Variants in TMEM132D observed in about 807,000 individuals in gnomAD.
TMEM132D encodes the protein mature OL transmembrane protein.
Under a neutral mutation model 62.3 loss-of-function variants are expected in TMEM132D, and 21 were observed. The ratio of observed to expected loss-of-function variants is 0.34; its 90% CI spans 0.24 to 0.49. TMEM132D has a LOEUF of 0.49. Among genes scored for constraint, TMEM132D ranks in the 20% least tolerant of loss-of-function variants. TMEM132D has a pLI of 0.99. For synonymous variants in TMEM132D, 621 were observed against 575.6 expected (o/e 1.08, Z -1.13); for missense variants, 1,346 against 1,402.8 (o/e 0.96, Z 0.65).
intron 5 of TMEM132D, among the ~76,000 whole-genome samples, chr12:129,087,218 T>C (rs1174999441): frequency 6.6e-6 from 1 of 152,196 alleles, no homozygotes; most frequent in Non-Finnish European, 1.5e-5. Flanking sequence ...AGCAACGTCA[T>C]GTAGGATCTG....
chr12:129,081,987 G>T lies in TMEM132D; in HGVS notation c.1695C>A (p.Gly565=), dbSNP rs1465969977. ...GCTGGTACTGCAGGGTGCAGCCGCG[G>T]CCCCTCCGCTCATCATCCTCCTCCT... The part of the protein sequence containing the change: ...SEEEEDDERR[G]RGCTLQYQHA... Residue 565 remains glycine, a synonymous_variant, in exon 7 of 9, where the codon GGC becomes GGA. Transcript: ENST00000422113. 8.1e-6 allele frequency: 13 copies of T among 1,612,856 alleles called. No homozygotes were observed. Among genetic ancestry groups the T allele is most frequent in the Non-Finnish European group, 1.1e-5 (13 of 1,179,284 alleles).
At chr12:129,209,194 G>A (rs921394868) in intron 5 of TMEM132D, among the ~76,000 whole-genome samples, 7 of 152,132 alleles carry the variant, frequency 4.6e-5, no homozygotes, top group Admixed American at 1.3e-4. Flanking sequence ...TCCCCTGCCT[G>A]GGGTGGGTGG....
chr12:129,244,252 G>A (rs1277443625), intron 4 of TMEM132D, among the ~76,000 whole-genome samples: 4 of 151,836 alleles, frequency 2.6e-5, no homozygotes, highest in African/African-American at 7.3e-5. Flanking sequence ...CGGGTGTGGT[G>A]GCGGGCGCCT....
At chr12:129,159,373 A>T (rs1449832832) in intron 5 of TMEM132D, among the ~76,000 whole-genome samples, 1 of 152,140 alleles carries the variant, frequency 6.6e-6, no homozygotes, top group Non-Finnish European at 1.5e-5. Flanking sequence ...AAGTCAATTC[A>T]TTTTTTCCTT....
intron 4 of TMEM132D, among the ~76,000 whole-genome samples, chr12:129,330,907 C>T (rs1409549826): frequency 6.6e-6 from 1 of 152,190 alleles, no homozygotes; most frequent in African/African-American, 2.4e-5. Context: ...GAGCCTATGT[C>T]CTCCCAAGCT....
chr12:129,526,421 A>G (rs1876040738), intron 3 of TMEM132D, among the ~76,000 whole-genome samples: 1 of 152,004 alleles, frequency 6.6e-6, no homozygotes, highest in Non-Finnish European at 1.5e-5. Flanking sequence ...AGTAGCTGGG[A>G]TTACAGGCAT....
intron 3 of TMEM132D, among the ~76,000 whole-genome samples, chr12:129,352,180 T>C (rs1052212459): frequency 1.3e-5 from 2 of 152,172 alleles, no homozygotes; most frequent in Non-Finnish European, 2.9e-5. Context: ...TAATAATGTG[T>C]ACTAAACAGA....
chr12:129,667,487 G>T (rs1453146339), intron 2 of TMEM132D, among the ~76,000 whole-genome samples: 1 of 152,004 alleles, frequency 6.6e-6, no homozygotes, highest in Admixed American at 6.6e-5. Flanking sequence ...TCAAAGTAAA[G>T]GTTTTTCTTT....
chr12:129,824,771 C>T (rs75199779), intron 1 of TMEM132D, among the ~76,000 whole-genome samples: 1,684 of 152,252 alleles, frequency 0.011, 18 homozygotes, highest in Non-Finnish European at 0.016. Context: ...GGCACCTGTT[C>T]CACCATCTGA....
intron 3 of TMEM132D, among the ~76,000 whole-genome samples, chr12:129,509,212 C>G (rs1025337581): frequency 6.6e-6 from 1 of 152,112 alleles, no homozygotes; most frequent in African/African-American, 2.4e-5. Context: ...AAGTGCCATT[C>G]TGAAGTCTCA....
intron 2 of TMEM132D, among the ~76,000 whole-genome samples, chr12:129,674,773 T>C (rs1187700362): frequency 2.0e-5 from 3 of 152,124 alleles, no homozygotes. Flanking sequence ...ACTCCTGACC[T>C]CATGATCCAC....
chr12:129,300,477 T>C (rs1023065263), intron 4 of TMEM132D, among the ~76,000 whole-genome samples: 2 of 152,246 alleles, frequency 1.3e-5, no homozygotes, highest in African/African-American at 4.8e-5. Flanking sequence ...GTTTTTGCTA[T>C]GGATGCTGTA....
At chr12:129,493,135 C>T (rs80287079) in intron 3 of TMEM132D, among the ~76,000 whole-genome samples, 266 of 151,252 alleles carry the variant, frequency 1.8e-3, no homozygotes, top group Non-Finnish European at 3.4e-3. Context: ...AATAAATTCT[C>T]TCTCTCTTTA....
intron 1 of TMEM132D, among the ~76,000 whole-genome samples, chr12:129,785,546 ATG>A (rs768438061): frequency 7.9e-5 from 12 of 152,212 alleles, no homozygotes; most frequent in Non-Finnish European, 1.6e-4. Context: ...TGAACATTGT[ATG>A]CACTAAACCA....
chr12:129,880,208 A>T (rs1038240858), intron 1 of TMEM132D, among the ~76,000 whole-genome samples: 1 of 152,242 alleles, frequency 6.6e-6, no homozygotes, highest in Non-Finnish European at 1.5e-5. Flanking sequence ...GGCAATGAAG[A>T]GATATCATTA....
chr12:129,569,247 T>C (rs371258322), intron 2 of TMEM132D, among the ~76,000 whole-genome samples: 2 of 152,330 alleles, frequency 1.3e-5, no homozygotes, highest in East Asian at 3.9e-4. Flanking sequence ...TCTGACTTAA[T>C]AGATCAATGT....
chr12:129,354,610 C>G (rs553332581), intron 3 of TMEM132D, among the ~76,000 whole-genome samples: 290 of 152,306 alleles, frequency 1.9e-3, no homozygotes, highest in African/African-American at 6.7e-3. Flanking sequence ...GCGTGAGCCA[C>G]TGCGCCCAGT....
At chr12:129,562,840 G>T (rs1340008153) in intron 2 of TMEM132D, among the ~76,000 whole-genome samples, 1 of 152,128 alleles carries the variant, frequency 6.6e-6, no homozygotes, top group African/African-American at 2.4e-5. Flanking sequence ...CTTCCTTTAA[G>T]ACCCGGTTTA....
intron 3 of TMEM132D, among the ~76,000 whole-genome samples, chr12:129,353,633 C>T (rs1424961340): frequency 6.6e-6 from 1 of 152,120 alleles, no homozygotes; most frequent in African/African-American, 2.4e-5. Context: ...AGGAGAAAGG[C>T]ACGGGGCTAT....
Sources: allele counts gnomAD v4.1 joint callset (sites outside exome capture counted in the v4.1 genomes callset), GRCh38; gene constraint gnomAD v4.1.1; transcripts MANE v1.5; gene names NCBI Gene and HGNC (gene_info 2026-07-23, HGNC 2026-07-21).